Variants in IFT80 observed in about 807,000 individuals in gnomAD.
IFT80 encodes the protein intraflagellar transport 80, also known as intraflagellar transport protein 80 homolog.
IFT80 carries 79 observed loss-of-function variants against 107.9 expected under a neutral mutation model. That is an observed-to-expected ratio of 0.73 (90% CI 0.61 to 0.88). The LOEUF (loss-of-function observed/expected upper bound fraction) is 0.88. Ranked by LOEUF, IFT80 falls within the 40% of genes least tolerant of loss-of-function variation. IFT80 has a pLI of 0.00. For missense variants in IFT80, 797 were observed against 914.2 expected (o/e 0.87, Z 1.65); for synonymous variants, 299 against 300.9 (o/e 0.99, Z 0.07).
At chr3:160,391,764 C>T (rs1050028366) in intron 1 of IFT80, 2 of 152,184 alleles carry the variant, frequency 1.3e-5, no homozygotes, top group African/African-American at 4.8e-5. Context: ...CCATGTATAA[C>T]ACAGCAAGAT....
At chr3:160,304,608 TG>T (rs1716700168) in intron 10 of IFT80, among the ~76,000 whole-genome samples, 2 of 151,896 alleles carry the variant, frequency 1.3e-5, no homozygotes, top group African/African-American at 2.4e-5. Context: ...GCTAATTTTT[TG>T]TATTTTTAGT....
At chr3:160,345,034 G>C (rs557725092) in intron 8 of IFT80, among the ~76,000 whole-genome samples, 1 of 152,036 alleles carries the variant, frequency 6.6e-6, no homozygotes, top group Admixed American at 6.6e-5. Flanking sequence ...GAGTTTAGAG[G>C]TTCCTCAAAA....
chr3:160,277,247 A>T, intron 18 of IFT80, 59 bp downstream of exon 18: 2 of 1,420,766 alleles, frequency 1.4e-6, no homozygotes, highest in Non-Finnish European at 9.9e-7. Flanking sequence ...TAAGTGGTAG[A>T]TGGAAAAATA....
intron 8 of IFT80, among the ~76,000 whole-genome samples, chr3:160,322,014 AT>A (rs1718263953): frequency 6.8e-6 from 1 of 146,658 alleles, no homozygotes; most frequent in African/African-American, 2.5e-5. Context: ...TTATTTATTT[AT>A]TTATTTATTT....
chr3:160,286,945 G>C (rs757459664), intron 12 of IFT80, among the ~76,000 whole-genome samples: 1 of 152,044 alleles, frequency 6.6e-6, no homozygotes, highest in East Asian at 1.9e-4. Flanking sequence ...ATAGCTTCAG[G>C]ATAGGGGCTG....
At chr3:160,259,961 AG>A (rs1211835237) in intron 19 of IFT80, among the ~76,000 whole-genome samples, 2 of 152,228 alleles carry the variant, frequency 1.3e-5, no homozygotes, top group African/African-American at 4.8e-5. Flanking sequence ...AGCAGAATGA[AG>A]TAATCTCAGT....
Position 160,366,033 on chromosome 3 carries a change from TGA to T in IFT80, c.549+8_549+9del, listed in dbSNP as rs1721837726. ...ACCCTGATAACAATTTACAAATGAC[TGA>T]GAAGTACCTGCAAAACTTTAGCATT... is the stretch of plus-strand genomic sequence containing the variant. On this transcript the variant is annotated splice_region_variant and intron_variant, in intron 6 of 19. Transcript: ENST00000326448. 1.2e-6 allele frequency: 2 copies of T among 1,602,606 alleles called. No individual in the cohort carries two copies. Among genetic ancestry groups the T allele is most frequent in the Non-Finnish European group, 1.7e-6 (2 of 1,169,912 alleles).
rs76179818 is a variant in IFT80 at position 160,273,832 on chromosome 3, T to G, written c.2099+3474A>C. Among the ~76,000 whole-genome samples the G allele has an allele frequency of 5.9e-3, 898 of 152,274 alleles. 15 individuals are homozygous for G. The highest frequency in any genetic ancestry group is 0.02 in the African/African-American group (820 of 41,552). On this transcript the variant is annotated intron_variant, in intron 18 of 19. Transcript: ENST00000326448. The stretch of plus-strand genomic sequence containing the variant: ...AATGCTCTGGGATCTTTATCATCTT[T>G]TCAGGTAGACTCAGAGATCTCTACC...
chr3:160,303,574 T>C (rs1039727227), intron 11 of IFT80, among the ~76,000 whole-genome samples: 31 of 152,186 alleles, frequency 2.0e-4, no homozygotes, highest in African/African-American at 7.5e-4. Context: ...CTCATGTCAT[T>C]ACTCTGATGT....
chr3:160,268,283 G>C (rs992279246), intron 19 of IFT80, 130 bp downstream of exon 19: 1 of 802,858 alleles, frequency 1.2e-6, no homozygotes, highest in South Asian at 1.8e-5. Flanking sequence ...GATGTCATAA[G>C]GCAAAAAGTA....
chr3:160,280,390 T>G (rs1559916536), intron 15 of IFT80, among the ~76,000 whole-genome samples: 1 of 152,166 alleles, frequency 6.6e-6, no homozygotes, highest in African/African-American at 2.4e-5. Context: ...TAAAATCACT[T>G]GATCACACTG....
chr3:160,391,164 C>G (rs1037786227), intron 1 of IFT80, among the ~76,000 whole-genome samples: 8 of 152,334 alleles, frequency 5.3e-5, no homozygotes, highest in African/African-American at 1.9e-4. Context: ...CTATACACTG[C>G]TGCTTCAATA....
chr3:160,332,439 G>A (rs1284976502), intron 8 of IFT80, among the ~76,000 whole-genome samples: 3 of 152,180 alleles, frequency 2.0e-5, no homozygotes, highest in Admixed American at 2.0e-4. Flanking sequence ...CCCTAGTGGG[G>A]TTGTTTGAAG....
At chr3:160,279,414 A>T (rs760832088) in intron 15 of IFT80, 50 bp from the exon 16 acceptor site, 1 of 1,483,916 alleles carries the variant, frequency 6.7e-7, no homozygotes, top group Admixed American at 1.7e-5. Context: ...TCTGAGCAAA[A>T]TTTTTCATGT....
chr3:160,271,700 G>C (rs1475989780), intron 18 of IFT80, among the ~76,000 whole-genome samples: 2 of 152,020 alleles, frequency 1.3e-5, no homozygotes, highest in Admixed American at 1.3e-4. Flanking sequence ...AACAAAATCT[G>C]TTCCCTTCTA....
At chr3:160,272,233 A>G (rs1472390019) in intron 18 of IFT80, among the ~76,000 whole-genome samples, 1 of 152,200 alleles carries the variant, frequency 6.6e-6, no homozygotes, top group East Asian at 1.9e-4. Flanking sequence ...ACAAACCATA[A>G]AACAAAACAA....
intron 9 of IFT80, among the ~76,000 whole-genome samples, chr3:160,316,151 C>G (rs894633427): frequency 1.3e-5 from 2 of 152,078 alleles, no homozygotes; most frequent in African/African-American, 4.8e-5. Context: ...CTCTCTGGCC[C>G]TTCCTGCTTG....
intron 9 of IFT80, among the ~76,000 whole-genome samples, chr3:160,315,489 T>C (rs1246076598): frequency 1.3e-5 from 2 of 152,170 alleles, no homozygotes; most frequent in Non-Finnish European, 2.9e-5. Context: ...TCTTTGCAGC[T>C]ACCTACTTAG....
At chr3:160,288,790 T>C (rs572395480) in intron 12 of IFT80, among the ~76,000 whole-genome samples, 1 of 152,276 alleles carries the variant, frequency 6.6e-6, no homozygotes, top group African/African-American at 2.4e-5. Context: ...ATGGCTATTA[T>C]TAAAAAGTCA....
Sources: gnomAD v4.1 joint callset for allele counts (sites outside exome capture counted in the v4.1 genomes callset) on GRCh38, gnomAD v4.1.1 for gene constraint, MANE v1.5 for transcripts, NCBI Gene and HGNC (gene_info 2026-07-23, HGNC 2026-07-21) for gene names.